Variants in ACAT2 observed in about 807,000 individuals in gnomAD.
ACAT2 encodes the protein acetyl-CoA acetyltransferase 2.
ACAT2 carries 26 observed loss-of-function variants against 37.1 expected under a neutral mutation model. The ratio of observed to expected loss-of-function variants is 0.70; its 90% CI spans 0.51 to 0.97. The LOEUF is 0.97. Among genes scored for constraint, ACAT2 ranks in the 50% least tolerant of loss-of-function variants. The pLI is 0.00. For synonymous variants in ACAT2, 156 were observed against 163.6 expected (o/e 0.95, Z 0.35); for missense variants, 468 against 489.0 (o/e 0.96, Z 0.40).
At chr6:159,767,913 G>A (rs979308796) in intron 3 of ACAT2, among the ~76,000 whole-genome samples, 1 of 152,186 alleles carries the variant, frequency 6.6e-6, no homozygotes, top group Non-Finnish European at 1.5e-5. Context: ...GTTCACAACA[G>A]CCCCATATAG....
intron 1 of ACAT2, 116 bp downstream of exon 1, chr6:159,762,258 G>C: frequency 1.5e-6 from 2 of 1,340,164 alleles, no homozygotes; most frequent in South Asian, 1.5e-5. Context: ...GTCAGGCCAA[G>C]CCGCGAGGAG....
intron 5 of ACAT2, chr6:159,775,541 G>C: frequency 2.1e-6 from 1 of 486,666 alleles, no homozygotes. Context: ...GAGCGTCCAT[G>C]ACCACTGTGC....
intron 2 of ACAT2, 48 bp from the exon 3 acceptor site, chr6:159,766,957 T>C: frequency 6.2e-7 from 1 of 1,605,722 alleles, no homozygotes; most frequent in Non-Finnish European, 8.5e-7. Context: ...CTGTGACATT[T>C]TGTCTTTCTC....
At chr6:159,776,685 A>C (rs1780420503) in intron 6 of ACAT2, among the ~76,000 whole-genome samples, 1 of 152,190 alleles carries the variant, frequency 6.6e-6, no homozygotes, top group African/African-American at 2.4e-5. Context: ...CAGTTTATCT[A>C]CCTTTGTATT....
chr6:159,762,247 G>T (rs1396286725), intron 1 of ACAT2, 105 bp downstream of exon 1: 4 of 1,406,128 alleles, frequency 2.8e-6, no homozygotes, highest in African/African-American at 2.9e-5. Context: ...GGAGGAAGCC[G>T]GTCAGGCCAA....
chr6:159,764,562 A>G (rs1780224163), intron 2 of ACAT2, among the ~76,000 whole-genome samples: 1 of 152,108 alleles, frequency 6.6e-6, no homozygotes, highest in Middle Eastern at 3.2e-3. Flanking sequence ...CTCCCACCTC[A>G]GCCTCTGGAG....
intron 2 of ACAT2, among the ~76,000 whole-genome samples, chr6:159,765,619 G>A (rs11758661): frequency 0.47 from 70,051 of 149,922 alleles, 18,278 homozygotes; most frequent in Non-Finnish European, 0.58. Context: ...TAGTAGAGAG[G>A]GGGGGTTTCA....
Position 159,778,876 on chromosome 6 carries a change from G to A in ACAT2, c.*47G>A. 1 of 1,610,420 alleles carries A rather than the reference G, an allele frequency of 6.2e-7. No individual in the cohort carries two copies. The highest frequency in any genetic ancestry group is 1.1e-5 in the South Asian group (1 of 90,774). ...CTCAATTTCTTTTTAAACTAATAAA[G>A]TACTAGGTTGCAATATGTGAAATCA... On this transcript the variant is annotated 3_prime_UTR_variant, in exon 9 of 9. Transcript: ENST00000367048.
chr6:159,777,250 T>G (rs1266745871), intron 6 of ACAT2, 52 bp from the exon 7 acceptor site: 2 of 1,571,720 alleles, frequency 1.3e-6, no homozygotes, highest in East Asian at 2.2e-5. Flanking sequence ...GCCACAGATA[T>G]GTAACTGAGG....
intron 1 of ACAT2, chr6:159,762,359 C>T (rs1780159143): frequency 1.5e-6 from 2 of 1,294,654 alleles, no homozygotes; most frequent in Non-Finnish European, 2.0e-6. Context: ...GCACTCCGTC[C>T]CTCGTGCTTG....
rs1562480617 is a variant in ACAT2 at position 159,778,248 on chromosome 6, ATAGT to A, written c.994_997del (p.Val332LysfsTer5). On this transcript the variant is annotated frameshift_variant, in exon 8 of 9. Transcript: ENST00000367048. LOFTEE classifies it high-confidence loss of function. ...AGCCTTTGCAGCTGTCTCTGCTGCAATAGTTAAAGAACTTGGATTAAACCCAGAG... is the reference window on the plus strand; with the variant it reads ...AGCCTTTGCAGCTGTCTCTGCTGCAATAAAGAACTTGGATTAAACCCAGAG... 5.0e-6 allele frequency: 8 copies of A among 1,611,528 alleles called. No individual in the cohort carries two copies. The highest frequency in any genetic ancestry group is 1.7e-4 in the Middle Eastern group (1 of 6,060).
In ACAT2 at chr6:159,777,456, T is replaced by G. The variant is rs1275639959; in HGVS notation, c.912T>G (p.Ala304=). The change falls in exon 7 of 9, where the codon GCT becomes GCG. Residue 304 remains alanine (A), a splice_region_variant and synonymous_variant. Coordinates refer to ENST00000367048, the MANE Select transcript of ACAT2 (RefSeq NM_005891.3). ...GACCAATTCCAGCCATAAAGCAAGC[T>G]GTGAGTATAACCCTATTCCCTTTTA... is the stretch of plus-strand genomic sequence containing the variant. ...GIGPIPAIKQ[A]VTKAGWSLED... is the part of the protein sequence containing the mutation. 1.9e-6 allele frequency: 3 copies of G among 1,612,664 alleles called. No homozygotes were observed. Among genetic ancestry groups the G allele is most frequent in the Non-Finnish European group, 2.5e-6 (3 of 1,179,526 alleles).
chr6:159,777,469 C>A lies in ACAT2; in HGVS notation c.912+13C>A. 6.2e-7 allele frequency: 1 copy of A among 1,603,606 alleles called. No homozygotes were observed. ...CATAAAGCAAGCTGTGAGTATAACC[C>A]TATTCCCTTTTATGAAATTTGTCTT... On this transcript the variant is annotated intron_variant, in intron 7 of 8. Transcript: ENST00000367048.
Position 159,779,026 on chromosome 6 carries a change from A to G in ACAT2, c.*197A>G. 1 of 1,605,528 alleles carries G rather than the reference A, an allele frequency of 6.2e-7. No homozygotes were observed. Among genetic ancestry groups the G allele is most frequent in the Non-Finnish European group, 8.5e-7 (1 of 1,173,588 alleles). ...AGACAATTGCATTTAACATTGTTAT[A>G]AATAAAAGGAACATCAGATCAATCA... On this transcript the variant is annotated 3_prime_UTR_variant, in exon 9 of 9. Transcript: ENST00000367048.
Position 159,777,203 on chromosome 6 carries a change from T to G in ACAT2, c.758-99T>G, listed in dbSNP as rs1204025724. On this transcript the variant is annotated intron_variant, in intron 6 of 8. Transcript: ENST00000367048. ...TATAGTAAATGCCTTAGCCAACAGG[T>G]AAAATCATTTAACTCATGTCTTCAG... is the stretch of plus-strand genomic sequence containing the variant. 7 of 1,340,122 alleles carry G rather than the reference T, an allele frequency of 5.2e-6. No homozygotes were observed. In the East Asian group the frequency reaches 1.6e-4, roughly 31 times the overall value. The allele number at this position is 1,340,122 out of a possible 1,614,324, so 83.0% of individuals were successfully genotyped here. A position where few individuals can be genotyped will look rare whatever the true frequency, so the allele number is the denominator to read the frequency against.
In ACAT2 at chr6:159,762,967, C is replaced by T; in HGVS notation, c.104C>T (p.Ser35Phe). The part of the protein sequence containing the change: ...LAAVPVQDLG[S>F]TVIKEVLKRA... ...GCTGTTCCTGTCCAGGACCTGGGCT[C>T]CACTGTCATCAAAGAAGTCTTGAAG... Residue 35 changes from serine (S) to phenylalanine (F), a missense_variant, in exon 2 of 9, where the codon TCC (serine) becomes TTC (phenylalanine). Transcript: ENST00000367048. The T allele has an allele frequency of 6.2e-7, 1 of 1,614,122 alleles. No homozygotes were observed. The highest frequency in any genetic ancestry group is 8.5e-7 in the Non-Finnish European group (1 of 1,179,990).
chr6:159,764,056 G>C (rs975303621), intron 2 of ACAT2, among the ~76,000 whole-genome samples: 4 of 151,914 alleles, frequency 2.6e-5, no homozygotes, highest in Non-Finnish European at 4.4e-5. Context: ...AGCTGAGATT[G>C]TGCCACTGCA....
chr6:159,766,570 T>C lies in ACAT2; in HGVS notation c.191-435T>C, dbSNP rs147816420. 6.0e-3 allele frequency among the ~76,000 whole-genome samples: 908 copies of C among 152,268 alleles called. 9 individuals carry two copies. The highest frequency in any genetic ancestry group is 0.021 in the African/African-American group (878 of 41,544). ...TCATGCGCCACCACGCCTAGCTAAT[T>C]TTGTATTTTTAGTACAGACAGAGTT... On this transcript the variant is annotated intron_variant, in intron 2 of 8. Coordinates refer to ENST00000367048, the MANE Select transcript of ACAT2 (RefSeq NM_005891.3).
intron 4 of ACAT2, among the ~76,000 whole-genome samples, chr6:159,770,219 A>G (rs564770449): frequency 7.9e-5 from 12 of 152,388 alleles, no homozygotes; most frequent in African/African-American, 2.9e-4. Context: ...ATGTCCAGTT[A>G]TGTAGCAACT....
Sources: allele counts gnomAD v4.1 joint callset (sites outside exome capture counted in the v4.1 genomes callset), GRCh38; gene constraint gnomAD v4.1.1; transcripts MANE v1.5; gene names NCBI Gene and HGNC (gene_info 2026-07-23, HGNC 2026-07-21).